Variants in DENND1A observed in about 807,000 individuals in gnomAD.
DENND1A encodes the protein DENN domain containing 1A.
DENND1A carries 51 observed loss-of-function variants against 113.7 expected under a neutral mutation model. The observed-to-expected ratio is 0.45, with a 90% CI of 0.36 to 0.57. DENND1A has a LOEUF of 0.57. Ranked by LOEUF, DENND1A falls within the 20% of genes least tolerant of loss-of-function variation. The pLI is 0.00. For missense variants in DENND1A, 1,258 were observed against 1,395.9 expected (o/e 0.90, Z 1.57); for synonymous variants, 565 against 570.8 (o/e 0.99, Z 0.14).
At chr9:123,506,871 G>T (rs901303889) in intron 13 of DENND1A, among the ~76,000 whole-genome samples, 2 of 152,100 alleles carry the variant, frequency 1.3e-5, no homozygotes, top group East Asian at 3.9e-4. Context: ...CCCAGAGATG[G>T]CTCAAAATTT....
At chr9:123,566,154 C>T (rs760169167) in intron 12 of DENND1A, among the ~76,000 whole-genome samples, 1 of 152,222 alleles carries the variant, frequency 6.6e-6, no homozygotes, top group Non-Finnish European at 1.5e-5. Flanking sequence ...ATTCTCACTG[C>T]TGCCAGGGTT....
chr9:123,885,029 A>T (rs1050309039), intron 1 of DENND1A, among the ~76,000 whole-genome samples: 2 of 140,992 alleles, frequency 1.4e-5, no homozygotes, highest in Admixed American at 6.9e-5. Flanking sequence ...ACACACACAC[A>T]CTCACTCTCT....
chr9:123,538,749 A>AGTGT lies in DENND1A; in HGVS notation c.993+18817_993+18820dup, dbSNP rs145062895. Among the ~76,000 whole-genome samples the AGTGT allele has an allele frequency of 6.6e-3, 604 of 91,018 alleles. 7 individuals carry two copies. The highest frequency in any genetic ancestry group is 7.8e-3 in the Non-Finnish European group (338 of 43,530). 59.7% of individuals were successfully genotyped at this position (91,018 alleles called of 152,430 possible). A position where few individuals can be genotyped will look rare whatever the true frequency, so the allele number is the denominator to read the frequency against. ...AATCCACCAGGCAATTATGTGTGTG[A>AGTGT]GTGTGTGTGTGTGTGTGTGTGTGTG... is the stretch of plus-strand genomic sequence containing the variant. On this transcript the variant is annotated intron_variant, in intron 13 of 23. Transcript: ENST00000394215.
intron 5 of DENND1A, among the ~76,000 whole-genome samples, chr9:123,687,626 C>T (rs1589668913): frequency 6.6e-6 from 1 of 152,186 alleles, no homozygotes; most frequent in Non-Finnish European, 1.5e-5. Flanking sequence ...CAAAGACAGA[C>T]GGGAAACTGG....
At chr9:123,884,230 T>C (rs1168844145) in intron 1 of DENND1A, among the ~76,000 whole-genome samples, 2 of 152,182 alleles carry the variant, frequency 1.3e-5, no homozygotes, top group Admixed American at 1.3e-4. Flanking sequence ...TATCCCTCCA[T>C]TACTCTTCAA....
At chr9:123,478,132 G>T (rs906798887) in intron 13 of DENND1A, among the ~76,000 whole-genome samples, 5 of 152,150 alleles carry the variant, frequency 3.3e-5, no homozygotes, top group African/African-American at 1.2e-4. Flanking sequence ...AGGCAATGCC[G>T]AGAAAAGAGG....
intron 1 of DENND1A, among the ~76,000 whole-genome samples, chr9:123,903,724 C>A (rs2133928633): frequency 6.6e-6 from 1 of 152,360 alleles, no homozygotes; most frequent in East Asian, 1.9e-4. Flanking sequence ...GGGTCCTACA[C>A]CCACGGTGTC....
intron 2 of DENND1A, among the ~76,000 whole-genome samples, chr9:123,810,607 A>C (rs973091839): frequency 6.6e-6 from 1 of 151,804 alleles, no homozygotes; most frequent in Non-Finnish European, 1.5e-5. Context: ...TAAAGGAAAA[A>C]AAAAACTATT....
chr9:123,583,351 G>C (rs2059014314), intron 11 of DENND1A, 81 bp from the exon 12 acceptor site: 3 of 1,020,310 alleles, frequency 2.9e-6, no homozygotes, highest in Non-Finnish European at 4.4e-6. Context: ...CTGGGGAAGA[G>C]GCATAGAGAA....
At chr9:123,715,387 T>TACA (rs1329777368) in intron 5 of DENND1A, among the ~76,000 whole-genome samples, 1 of 152,128 alleles carries the variant, frequency 6.6e-6, no homozygotes, top group Non-Finnish European at 1.5e-5. Flanking sequence ...TCAGAGACTG[T>TACA]GAGCTGCCTG....
At chr9:123,884,393 C>T (rs570441174) in intron 1 of DENND1A, among the ~76,000 whole-genome samples, 2 of 152,310 alleles carry the variant, frequency 1.3e-5, no homozygotes, top group South Asian at 4.1e-4. Context: ...TCCCAGAACA[C>T]TTCATGATAC....
At chr9:123,504,907 T>C (rs1168583736) in intron 13 of DENND1A, among the ~76,000 whole-genome samples, 1 of 152,136 alleles carries the variant, frequency 6.6e-6, no homozygotes, top group Non-Finnish European at 1.5e-5. Flanking sequence ...GCTTGGTAAT[T>C]ATGGACCCAA....
At chr9:123,516,753 G>C (rs1008582241) in intron 13 of DENND1A, among the ~76,000 whole-genome samples, 9 of 151,774 alleles carry the variant, frequency 5.9e-5, no homozygotes, top group Non-Finnish European at 8.8e-5. Context: ...GGGCAGTGGT[G>C]TGTGCCTGTA....
At chr9:123,487,305 A>G (rs1024899032) in intron 13 of DENND1A, among the ~76,000 whole-genome samples, 8 of 152,316 alleles carry the variant, frequency 5.3e-5, no homozygotes, top group Admixed American at 5.2e-4. Context: ...AATCAAGGGA[A>G]GGCAAGCCAG....
chr9:123,445,660 C>T (rs2047250303), intron 18 of DENND1A, among the ~76,000 whole-genome samples: 1 of 152,182 alleles, frequency 6.6e-6, no homozygotes, highest in Non-Finnish European at 1.5e-5. Context: ...CACCTAAGGT[C>T]AGGAGTTCGA....
chr9:123,444,386 G>A (rs1460851708), intron 18 of DENND1A, among the ~76,000 whole-genome samples: 1 of 152,188 alleles, frequency 6.6e-6, no homozygotes, highest in African/African-American at 2.4e-5. Context: ...TGACATGTGG[G>A]CCTGGTGCAG....
At chr9:123,740,899 TGAGA>T (rs56006420) in intron 5 of DENND1A, among the ~76,000 whole-genome samples, 1,315 of 108,910 alleles carry the variant, frequency 0.012, 20 homozygotes, top group African/African-American at 0.031. Context: ...GAAGGGAAAG[TGAGA>T]GAGAGAGAGA....
chr9:123,758,656 AAAC>A (rs2070777152), intron 4 of DENND1A, among the ~76,000 whole-genome samples: 1 of 152,254 alleles, frequency 6.6e-6, no homozygotes, highest in East Asian at 1.9e-4. Flanking sequence ...TAAGAAATGG[AAAC>A]AACATTTTAA....
chr9:123,470,616 A>T (rs996462118), intron 13 of DENND1A, among the ~76,000 whole-genome samples: 1 of 152,292 alleles, frequency 6.6e-6, no homozygotes, highest in Non-Finnish European at 1.5e-5. Flanking sequence ...CAATGGGAAT[A>T]TGAGACTCAT....
Sources: allele counts gnomAD v4.1 joint callset (sites outside exome capture counted in the v4.1 genomes callset), GRCh38; gene constraint gnomAD v4.1.1; transcripts MANE v1.5; gene names NCBI Gene and HGNC (gene_info 2026-07-23, HGNC 2026-07-21).